SLC30A5: variants seen among roughly 807,000 people sequenced by gnomAD.
SLC30A5 encodes proton-coupled zinc antiporter SLC30A5.
A neutral mutation model predicts 79.6 loss-of-function variants in SLC30A5; 33 were observed. That is an observed-to-expected ratio of 0.41 (90% CI 0.31 to 0.55). SLC30A5 has a LOEUF of 0.55. Among genes scored for constraint, SLC30A5 ranks in the 20% least tolerant of loss-of-function variants. The probability of loss-of-function intolerance (pLI) is 0.20; values close to 1 mark genes in which losing one functional copy is unlikely to be tolerated. For missense variants in SLC30A5, 788 were observed against 928.1 expected (o/e 0.85, Z 1.96); for synonymous variants, 299 against 319.7 (o/e 0.94, Z 0.69).
At chr5:69,096,909 A>G (rs1464795821) in intron 1 of SLC30A5, among the ~76,000 whole-genome samples, 1 of 151,058 alleles carries the variant, frequency 6.6e-6, no homozygotes, top group East Asian at 1.9e-4. Flanking sequence ...GCAGTGAGCT[A>G]TGATCCTATA....
At chr5:69,094,394 T>C in intron 1 of SLC30A5, 56 bp downstream of exon 1, 18 of 1,240,616 alleles carry the variant, frequency 1.5e-5, no homozygotes, top group Non-Finnish European at 1.7e-5. Context: ...ATGCACTTTC[T>C]CCGGCCTCCC....
chr5:69,104,373 C>A, intron 3 of SLC30A5: 1 of 838,160 alleles, frequency 1.2e-6, no homozygotes, highest in Non-Finnish European at 1.6e-6. Context: ...AACTCCTGAC[C>A]TCAGGTGATC....
At chr5:69,120,256 C>T (rs1163139487) in intron 12 of SLC30A5, among the ~76,000 whole-genome samples, 4 of 151,668 alleles carry the variant, frequency 2.6e-5, no homozygotes, top group Non-Finnish European at 2.9e-5. Context: ...TGGTGGCGGG[C>T]GCCTGTAATC....
In SLC30A5 at chr5:69,094,138, G is replaced by A. The variant is rs1299072482; in HGVS notation, c.-118G>A. The A allele has an allele frequency of 1.2e-5, 6 of 503,778 alleles. No individual in the cohort carries two copies. Among genetic ancestry groups the A allele is most frequent in the Non-Finnish European group, 1.9e-5 (6 of 312,542 alleles). 31.2% of individuals were successfully genotyped at this position (503,778 alleles called of 1,614,324 possible). A position where few individuals can be genotyped will look rare whatever the true frequency, so the allele number is the denominator to read the frequency against. On this transcript the variant is annotated 5_prime_UTR_variant, in exon 1 of 16. Coordinates refer to ENST00000396591, the MANE Select transcript of SLC30A5 (RefSeq NM_022902.5). ...GGCAGTGGCGGCCCGGCCTGCAGGA[G>A]CCCGACGGGGTCTCTGCCATGGGGG...
At chr5:69,123,771 A>G (rs1746597816) in intron 14 of SLC30A5, among the ~76,000 whole-genome samples, 1 of 152,194 alleles carries the variant, frequency 6.6e-6, no homozygotes, top group East Asian at 1.9e-4. Flanking sequence ...GGGATGTTCT[A>G]AAATTATTTG....
intron 1 of SLC30A5, 147 bp downstream of exon 1, chr5:69,094,485 C>T: frequency 1.1e-6 from 1 of 887,130 alleles, no homozygotes; most frequent in Non-Finnish European, 1.5e-6. Context: ...CGCAGGCTGC[C>T]TCCGGGCTCC....
chr5:69,107,666 A>G (rs1413255625), intron 4 of SLC30A5, among the ~76,000 whole-genome samples: 1 of 151,794 alleles, frequency 6.6e-6, no homozygotes, highest in Non-Finnish European at 1.5e-5. Flanking sequence ...TGGCACCACC[A>G]TCGTATATAT....
intron 13 of SLC30A5, among the ~76,000 whole-genome samples, chr5:69,122,239 A>C (rs962371057): frequency 6.6e-6 from 1 of 152,204 alleles, no homozygotes; most frequent in African/African-American, 2.4e-5. Context: ...CCTACTAAAA[A>C]TACAAAAATT....
intron 1 of SLC30A5, 87 bp downstream of exon 1, chr5:69,094,425 C>G: frequency 1.6e-6 from 2 of 1,218,650 alleles, no homozygotes; most frequent in Non-Finnish European, 2.1e-6. Flanking sequence ...GCTGACAGCC[C>G]GGGACGTCCC....
At chr5:69,123,969 C>T (rs913243995) in intron 14 of SLC30A5, among the ~76,000 whole-genome samples, 46 of 151,856 alleles carry the variant, frequency 3.0e-4, no homozygotes, top group African/African-American at 1.1e-3. Context: ...AAAAATTAGC[C>T]GGGCGTGGTG....
chr5:69,104,062 A>G (rs756233960), intron 3 of SLC30A5: 3 of 1,544,892 alleles, frequency 1.9e-6, no homozygotes. Context: ...ATAAAATTGT[A>G]CTCTGAAGAA....
chr5:69,115,551 T>G, intron 8 of SLC30A5, 144 bp downstream of exon 8: 1 of 679,696 alleles, frequency 1.5e-6, no homozygotes, highest in East Asian at 2.9e-5. Flanking sequence ...TCTTTGTAGT[T>G]TTTTAAAAAA....
At chr5:69,101,308 C>T (rs1379493674) in intron 2 of SLC30A5, among the ~76,000 whole-genome samples, 1 of 151,464 alleles carries the variant, frequency 6.6e-6, no homozygotes, top group Non-Finnish European at 1.5e-5. Context: ...GACACAGTCT[C>T]ACTCTGTCAC....
In SLC30A5 at chr5:69,118,535, T is replaced by C. The variant is rs770273825; in HGVS notation, c.1476T>C (p.Asn492=). The change falls in exon 12 of 16, where the codon AAT becomes AAC. Residue 492 remains asparagine, a synonymous_variant. Transcript: ENST00000396591. ...TAGAAATTCTGTCTGGATTTATTAA[T>C]GGACTTTTTCTAATAGTAATAGCGT... ...GRIEILSGFI[N]GLFLIVIAFF... is the part of the protein sequence containing the mutation. 9 of 1,604,010 alleles carry C rather than the reference T, an allele frequency of 5.6e-6. No homozygotes were observed. The highest frequency in any genetic ancestry group is 7.7e-6 in the Non-Finnish European group (9 of 1,176,012).
chr5:69,122,034 C>T, intron 13 of SLC30A5, 139 bp downstream of exon 13: 1 of 631,210 alleles, frequency 1.6e-6, no homozygotes. Context: ...AGGTCTGAAG[C>T]TATCACTATA....
chr5:69,117,270 T>C lies in SLC30A5; in HGVS notation c.1313T>C (p.Val438Ala). The C allele has an allele frequency of 2.5e-6, 4 of 1,613,876 alleles. No individual in the cohort carries two copies. Among genetic ancestry groups the C allele is most frequent in the Non-Finnish European group, 3.4e-6 (4 of 1,179,886 alleles). ...ACCTTTGTGGAATTATTCTATGGCG[T>C]GCTGACCAATAGTCTGGGCCTGATC... ...LFTFVELFYG[V>A]LTNSLGLISD... is the part of the protein sequence containing the mutation. Residue 438 changes from valine (V) to alanine (A), a missense_variant, in exon 11 of 16, where the codon GTG (valine) becomes GCG (alanine). Val to Ala is a moderately conservative substitution (Grantham distance 64, BLOSUM62 0). Transcript: ENST00000396591.
chr5:69,126,622 T>G (rs1476176286), intron 14 of SLC30A5, among the ~76,000 whole-genome samples: 1 of 151,896 alleles, frequency 6.6e-6, no homozygotes, highest in South Asian at 2.1e-4. Context: ...ATACAAAAAT[T>G]AGCTGGGTGT....
chr5:69,123,556 T>C (rs1746593914), intron 14 of SLC30A5, 131 bp downstream of exon 14: 1 of 669,734 alleles, frequency 1.5e-6, no homozygotes, highest in Non-Finnish European at 2.5e-6. Flanking sequence ...TAAAGTAGCA[T>C]TTAAAATTTA....
At chr5:69,103,825 C>T in intron 3 of SLC30A5, 1 of 655,886 alleles carries the variant, frequency 1.5e-6, no homozygotes, top group Non-Finnish European at 2.6e-6. Flanking sequence ...TTGCTTTATG[C>T]CATGACTTAC....
Sources: allele counts gnomAD v4.1 joint callset (sites outside exome capture counted in the v4.1 genomes callset), GRCh38; gene constraint gnomAD v4.1.1; transcripts MANE v1.5; gene names NCBI Gene and HGNC (gene_info 2026-07-23, HGNC 2026-07-21).